Variants in MCCC2 observed in about 807,000 individuals in gnomAD.
MCCC2 encodes methylcrotonyl-CoA carboxylase subunit 2.
Under a neutral mutation model 77.2 loss-of-function variants are expected in MCCC2, and 52 were observed. The ratio of observed to expected loss-of-function variants is 0.67; its 90% confidence interval spans 0.54 to 0.85. The LOEUF is 0.85. Ranked by LOEUF, MCCC2 falls within the 40% of genes least tolerant of loss-of-function variation. MCCC2 has a pLI of 0.00. For missense variants in MCCC2, 682 were observed against 703.2 expected (o/e 0.97, Z 0.34); for synonymous variants, 253 against 248.4 (o/e 1.02, Z -0.18).
At chr5:71,602,468 T>C in intron 4 of MCCC2, 38 bp from the exon 5 acceptor site, 1 of 1,613,962 alleles carries the variant, frequency 6.2e-7, no homozygotes. Flanking sequence ...TGAAGAAATC[T>C]CTTAAATTCT....
rs1747633972 is a variant in MCCC2, at chr5:71,658,197, C to T, written c.*1337C>T. On this transcript the variant is annotated 3_prime_UTR_variant, in exon 17 of 17. Coordinates refer to ENST00000340941, the MANE Select transcript of MCCC2 (RefSeq NM_022132.5). ...ATCTTTAATCTTATCTCTTTGACTCCTCTTTACACCGGAGAACGGCTCCAG... is the reference window on the plus strand; with the variant it reads ...ATCTTTAATCTTATCTCTTTGACTCTTCTTTACACCGGAGAACGGCTCCAG... The T allele has an allele frequency of 6.6e-6, 1 of 152,154 alleles. No homozygotes were observed. Among genetic ancestry groups the T allele is most frequent in the African/African-American group, 2.4e-5 (1 of 41,436 alleles). 9.4% of individuals were successfully genotyped at this position (152,154 alleles called of 1,614,324 possible).
At chr5:71,651,401 G>A (rs1277378447) in intron 15 of MCCC2, among the ~76,000 whole-genome samples, 2 of 152,206 alleles carry the variant, frequency 1.3e-5, no homozygotes, top group Non-Finnish European at 2.9e-5. Flanking sequence ...TTGTGTCTCT[G>A]TTGGAGATTG....
chr5:71,591,952 A>G (rs1437949892), intron 1 of MCCC2, among the ~76,000 whole-genome samples: 2 of 151,964 alleles, frequency 1.3e-5, no homozygotes, highest in African/African-American at 4.8e-5. Flanking sequence ...CTTTTTGTAA[A>G]GATGGAAGTC....
In MCCC2 at chr5:71,624,069, G is replaced by A. The variant is rs573080408; in HGVS notation, c.625-2571G>A. Among the ~76,000 whole-genome samples, 8 of 152,270 alleles carry A rather than the reference G, an allele frequency of 5.3e-5. No individual in the cohort carries two copies. The South Asian group carries it at 6.2e-4, about 12-fold the overall frequency. The stretch of plus-strand genomic sequence containing the variant: ...TGGAAGTCCCCAGAGATAAGGGTAC[G>A]AGCATGGCCTGGTTCTTGATCAGGG... On this transcript the variant is annotated intron_variant, in intron 6 of 16. Transcript: ENST00000340941.
chr5:71,634,402 G>A (rs926936275), intron 8 of MCCC2, among the ~76,000 whole-genome samples: 2 of 152,214 alleles, frequency 1.3e-5, no homozygotes, highest in African/African-American at 4.8e-5. Flanking sequence ...TGTTGCCTGT[G>A]ATGGCTTACT....
intron 8 of MCCC2, among the ~76,000 whole-genome samples, chr5:71,633,123 A>ATTTTTTTTTT (rs1391065508): frequency 1.5e-3 from 47 of 31,780 alleles, no homozygotes; most frequent in Non-Finnish European, 2.3e-3. Context: ...ATATATATAT[A>ATTTTTTTTTT]TATATATATT....
chr5:71,626,409 G>A (rs1746527822), intron 6 of MCCC2, among the ~76,000 whole-genome samples: 1 of 152,198 alleles, frequency 6.6e-6, no homozygotes, highest in South Asian at 2.1e-4. Context: ...CTGACAGGGA[G>A]ATTGTCCATA....
chr5:71,587,618 C>T, intron 1 of MCCC2, 64 bp downstream of exon 1: 3 of 1,517,784 alleles, frequency 2.0e-6, no homozygotes, highest in Non-Finnish European at 2.6e-6. Flanking sequence ...GGAGGAGGGG[C>T]ACGCTTCAAC....
chr5:71,615,440 G>C (rs1261180127), intron 6 of MCCC2, among the ~76,000 whole-genome samples: 1 of 151,958 alleles, frequency 6.6e-6, no homozygotes, highest in Non-Finnish European at 1.5e-5. Context: ...CATGCCACTG[G>C]GGTGCCCTTA....
In MCCC2 at chr5:71,626,642, C is replaced by T. The variant is rs777033953; in HGVS notation, c.627C>T (p.Ile209=). 7.4e-6 allele frequency: 12 copies of T among 1,612,840 alleles called. No homozygotes were observed. The highest frequency in any genetic ancestry group is 1.1e-5 in the South Asian group (1 of 91,064). The stretch of plus-strand genomic sequence containing the variant: ...TTTGTCGTGTGCTTGGATTCCAGAT[C>T]GCAGTGGTCATGGGCTCCTGCACCG... The part of the protein sequence containing the change: ...AIMSSKNIAQ[I]AVVMGSCTAG... The change falls in exon 7 of 17, where the codon ATC becomes ATT. Residue 209 remains isoleucine, a splice_region_variant and synonymous_variant. Transcript: ENST00000340941.
intron 6 of MCCC2, among the ~76,000 whole-genome samples, chr5:71,620,148 C>T (rs1362125752): frequency 6.6e-6 from 1 of 152,180 alleles, no homozygotes; most frequent in Non-Finnish European, 1.5e-5. Context: ...TTGTGCATTT[C>T]AATCTATCCA....
chr5:71,633,131 A>ATATATATATATATTTTTTTTTTTTTT (rs1554137344), intron 8 of MCCC2, among the ~76,000 whole-genome samples: 1 of 78,096 alleles, frequency 1.3e-5, no homozygotes, highest in African/African-American at 5.1e-5. Context: ...ATATATATAT[A>ATATATATATATATTTTTTTTTTTTTT]TTTTTATTTT....
chr5:71,633,133 T>TATATATATATATATATATA (rs1561841506), intron 8 of MCCC2, among the ~76,000 whole-genome samples: 1 of 113,020 alleles, frequency 8.8e-6, no homozygotes, highest in African/African-American at 4.2e-5. Flanking sequence ...ATATATATAT[T>TATATATATATATATATATA]TTTATTTTTT....
intron 6 of MCCC2, among the ~76,000 whole-genome samples, chr5:71,624,664 A>G (rs1746475242): frequency 6.9e-6 from 1 of 144,382 alleles, no homozygotes; most frequent in African/African-American, 2.6e-5. Context: ...GGCGTGAGCT[A>G]CCACACCCAG....
chr5:71,618,488 T>TCTTCCTTC (rs60010762), intron 6 of MCCC2, among the ~76,000 whole-genome samples: 993 of 97,068 alleles, frequency 0.01, 10 homozygotes, highest in African/African-American at 0.027. Flanking sequence ...CTTCTTTCCT[T>TCTTCCTTC]CTTCCTTCCT....
intron 6 of MCCC2, among the ~76,000 whole-genome samples, chr5:71,616,797 A>G (rs983626197): frequency 6.6e-6 from 1 of 152,138 alleles, no homozygotes; most frequent in Non-Finnish European, 1.5e-5. Flanking sequence ...GCCGGGCACA[A>G]AGTGAACACA....
chr5:71,599,763 G>C lies in MCCC2; in HGVS notation c.383+3G>C. ...ACAGGCATTGGAAGAGTATCAGGGT[G>C]AGTATTCTACTTGTGCTTCATAATG... On this transcript the variant is annotated splice_donor_region_variant and intron_variant, in intron 4 of 16. Transcript: ENST00000340941. 1 of 1,610,652 alleles carries C rather than the reference G, an allele frequency of 6.2e-7. No individual in the cohort carries two copies. Among genetic ancestry groups the C allele is most frequent in the South Asian group, 1.1e-5 (1 of 91,014 alleles).
At chr5:71,588,221 A>G (rs1421905881) in intron 1 of MCCC2, among the ~76,000 whole-genome samples, 1 of 150,398 alleles carries the variant, frequency 6.6e-6, no homozygotes, top group Non-Finnish European at 1.5e-5. Context: ...GTGAGCTGAG[A>G]TCGTGCCATT....
At chr5:71,641,145 AG>A in intron 11 of MCCC2, 70 bp downstream of exon 11, 2 of 1,382,368 alleles carry the variant, frequency 1.4e-6, no homozygotes, top group Non-Finnish European at 1.0e-6. Context: ...TCTTGTTTCA[AG>A]ACTTTGATAC....
Sources: gnomAD v4.1 joint callset for allele counts (sites outside exome capture counted in the v4.1 genomes callset) on GRCh38, gnomAD v4.1.1 for gene constraint, MANE v1.5 for transcripts, NCBI Gene and HGNC (gene_info 2026-07-23, HGNC 2026-07-21) for gene names.